OSBP2: variants seen among roughly 807,000 people sequenced by gnomAD.
OSBP2 encodes the protein oxysterol binding protein 2, also known as oxysterol-binding protein 2.
OSBP2 carries 66 observed loss-of-function variants against 96.0 expected under a neutral mutation model. The observed-to-expected ratio is 0.69, with a 90% confidence interval of 0.56 to 0.84. The LOEUF (loss-of-function observed/expected upper bound fraction) is 0.84, where lower values mean the gene tolerates loss of function less well. OSBP2 is among the 40% of genes least tolerant of loss of function. The pLI is 0.00. For missense variants in OSBP2, 1,038 were observed against 1,222.7 expected (o/e 0.85, Z 2.25); for synonymous variants, 525 against 520.9 (o/e 1.01, Z -0.11).
At chr22:30,821,146 T>C (rs1602311919) in intron 2 of OSBP2, among the ~76,000 whole-genome samples, 1 of 152,154 alleles carries the variant, frequency 6.6e-6, no homozygotes, top group Admixed American at 6.5e-5. Flanking sequence ...GTGGGAAAGA[T>C]GAGACATACA....
At position 30,889,159 on chromosome 22, in the gene OSBP2, C is replaced by T. The variant is rs2039885583; in HGVS notation, c.1419-18C>T. On this transcript the variant is annotated intron_variant, in intron 5 of 13. Transcript: ENST00000332585. ...CTCGGGATTCATTAGTAACTTGCCT[C>T]CCGCTTTGTATTTCCAGCAGAAAAG... 1.2e-6 allele frequency: 2 copies of T among 1,611,342 alleles called. No individual in the cohort carries two copies. Among genetic ancestry groups the T allele is most frequent in the Non-Finnish European group, 1.7e-6 (2 of 1,178,724 alleles).
chr22:30,896,369 A>G (rs914439926), intron 12 of OSBP2, among the ~76,000 whole-genome samples: 3 of 152,164 alleles, frequency 2.0e-5, no homozygotes, highest in African/African-American at 7.2e-5. Flanking sequence ...AAGAGAAAAC[A>G]TGCTCATAAT....
chr22:30,782,955 T>C (rs1158796169), intron 2 of OSBP2, among the ~76,000 whole-genome samples: 1 of 152,108 alleles, frequency 6.6e-6, no homozygotes, highest in Non-Finnish European at 1.5e-5. Flanking sequence ...CAAACACAGG[T>C]TCTCCTGATG....
chr22:30,704,875 C>T (rs1303182654), intron 1 of OSBP2, among the ~76,000 whole-genome samples: 1 of 152,180 alleles, frequency 6.6e-6, no homozygotes, highest in Non-Finnish European at 1.5e-5. Context: ...CCAAAGGCCC[C>T]TTGGAAGCAG....
chr22:30,868,462 G>A (rs1011671386), intron 2 of OSBP2, among the ~76,000 whole-genome samples: 3 of 152,240 alleles, frequency 2.0e-5, no homozygotes, highest in African/African-American at 2.4e-5. Flanking sequence ...GTGCAGACAC[G>A]CTGTGGCCTC....
At chr22:30,822,503 C>T in intron 2 of OSBP2, 1 of 1,352,988 alleles carries the variant, frequency 7.4e-7, no homozygotes. Context: ...GGTAACGCGG[C>T]GCCGGGACCC....
intron 12 of OSBP2, 69 bp from the exon 13 acceptor site, chr22:30,905,768 G>A: frequency 6.3e-7 from 1 of 1,586,630 alleles, no homozygotes; most frequent in South Asian, 1.1e-5. Context: ...CCAGGCAGGG[G>A]AGGGCGGCCG....
At chr22:30,743,128 G>A (rs1272670799) in intron 2 of OSBP2, among the ~76,000 whole-genome samples, 6 of 152,242 alleles carry the variant, frequency 3.9e-5, no homozygotes, top group Non-Finnish European at 1.5e-5. Flanking sequence ...CTCCAGGTGA[G>A]AAGGGGGCAC....
chr22:30,837,462 G>A (rs375661072), intron 2 of OSBP2, among the ~76,000 whole-genome samples: 2 of 152,192 alleles, frequency 1.3e-5, no homozygotes, highest in South Asian at 2.1e-4. Flanking sequence ...TAGCAGTGCT[G>A]TGCACTGGTT....
At chr22:30,903,891 T>C (rs969688783) in intron 12 of OSBP2, among the ~76,000 whole-genome samples, 4 of 152,186 alleles carry the variant, frequency 2.6e-5, no homozygotes, top group Non-Finnish European at 4.4e-5. Context: ...CCTTGATAAA[T>C]GAAATTGTAC....
At chr22:30,874,145 GAGA>G (rs1363012074) in intron 3 of OSBP2, among the ~76,000 whole-genome samples, 1 of 152,222 alleles carries the variant, frequency 6.6e-6, no homozygotes, top group Non-Finnish European at 1.5e-5. Context: ...GCTAAGACAG[GAGA>G]ATCACTTGAA....
At chr22:30,889,328 G>A in intron 6 of OSBP2, 94 bp downstream of exon 6, 1 of 1,430,476 alleles carries the variant, frequency 7.0e-7, no homozygotes, top group East Asian at 2.3e-5. Flanking sequence ...GGGCCAGCAG[G>A]CAGGCCCATG....
At chr22:30,769,359 T>A (rs1254746091) in intron 2 of OSBP2, among the ~76,000 whole-genome samples, 1 of 152,124 alleles carries the variant, frequency 6.6e-6, no homozygotes, top group Admixed American at 6.5e-5. Context: ...AATAATACTT[T>A]TTAAATTAGG....
At chr22:30,781,802 G>A (rs1442855691) in intron 2 of OSBP2, among the ~76,000 whole-genome samples, 1 of 152,208 alleles carries the variant, frequency 6.6e-6, no homozygotes, top group Non-Finnish European at 1.5e-5. Context: ...GGGAAATGTA[G>A]AGTTTCCTGA....
rs1602413231 is a variant in OSBP2, at chr22:30,884,663, C to T, written c.1108-2763C>T. On this transcript the variant is annotated intron_variant, in intron 3 of 13. Transcript: ENST00000332585. ...GGGGCCCCTTTCCACCGAGCCAGGC[C>T]AGCCACGAGAGCTCGGGCTCTCCCT... 2.0e-5 allele frequency among the ~76,000 whole-genome samples: 3 copies of T among 152,222 alleles called. No homozygotes were observed. The South Asian group carries it at 6.2e-4, about 32-fold the overall frequency.
At chr22:30,758,796 A>G (rs937045459) in intron 2 of OSBP2, among the ~76,000 whole-genome samples, 1 of 152,084 alleles carries the variant, frequency 6.6e-6, no homozygotes, top group Admixed American at 6.6e-5. Context: ...AGCCCCCGAT[A>G]TAGGTGTGGT....
intron 12 of OSBP2, chr22:30,902,583 C>A: frequency 2.4e-6 from 2 of 832,010 alleles, no homozygotes; most frequent in Admixed American, 1.8e-5. Flanking sequence ...ACTGGGCAGC[C>A]ACTTCAGAGA....
intron 2 of OSBP2, among the ~76,000 whole-genome samples, chr22:30,778,303 G>GCGCACACACA (rs1555912357): frequency 1.1e-4 from 16 of 146,528 alleles, no homozygotes; most frequent in African/African-American, 3.5e-4. Context: ...GTGTGCATGT[G>GCGCACACACA]CACACACACA....
At chr22:30,737,535 C>T (rs921312921) in intron 1 of OSBP2, among the ~76,000 whole-genome samples, 2 of 151,400 alleles carry the variant, frequency 1.3e-5, no homozygotes, top group Middle Eastern at 3.4e-3. Context: ...TCCTATGTTG[C>T]CCATGCTGGT....
Sources: gnomAD v4.1 joint callset for allele counts (sites outside exome capture counted in the v4.1 genomes callset) on GRCh38, gnomAD v4.1.1 for gene constraint, MANE v1.5 for transcripts, NCBI Gene and HGNC (gene_info 2026-07-23, HGNC 2026-07-21) for gene names.